HIP1: variants seen among roughly 807,000 people sequenced by gnomAD.
HIP1 encodes the protein huntingtin-interacting protein 1.
A neutral mutation model predicts 147.6 loss-of-function variants in HIP1; 65 were observed. The observed-to-expected ratio is 0.44, with a 90% CI of 0.36 to 0.54. The LOEUF (loss-of-function observed/expected upper bound fraction) is 0.54, where lower values mean the gene tolerates loss of function less well. Among genes scored for constraint, HIP1 ranks in the 20% least tolerant of loss-of-function variants. HIP1 has a pLI of 0.00. For synonymous variants in HIP1, 479 were observed against 504.0 expected (o/e 0.95, Z 0.67); for missense variants, 1,061 against 1,299.6 (o/e 0.82, Z 2.82).
intron 8 of HIP1, among the ~76,000 whole-genome samples, chr7:75,573,343 TA>T (rs782405166): frequency 1.3e-5 from 2 of 152,190 alleles, no homozygotes; most frequent in Non-Finnish European, 2.9e-5. Context: ...ACAACCTGCC[TA>T]CAGACAGAGA....
At position 75,568,218 on chromosome 7, in the gene HIP1, A is replaced by G; in HGVS notation, c.784T>C (p.Phe262Leu). The change falls in exon 9 of 31, where the codon TTC becomes CTC. Residue 262 changes from phenylalanine (F) to leucine (L), a missense_variant. Physicochemically the swap from Phe to Leu is conservative, Grantham distance 22 (BLOSUM62 0). Transcript: ENST00000336926. This position sits in a 1 kb window ranked among gnomAD's most constrained non-coding sequence, Gnocchi z 4.1. ...ACTTACTTTGTAAACTGCTCCATGA[A>G]GCGGTCCCGGTGGCCTTGCAGGGTG... is the stretch of plus-strand genomic sequence containing the variant. The part of the protein sequence containing the change: ...ADTLQGHRDR[F>L]MEQFTKLKDL... 5 of 1,613,084 alleles carry G rather than the reference A, an allele frequency of 3.1e-6. No homozygotes were observed. The highest frequency in any genetic ancestry group is 4.2e-6 in the Non-Finnish European group (5 of 1,179,102).
At chr7:75,571,329 G>A (rs1465832411) in intron 8 of HIP1, among the ~76,000 whole-genome samples, 1 of 152,164 alleles carries the variant, frequency 6.6e-6, no homozygotes, top group Non-Finnish European at 1.5e-5. Context: ...AAGTTCATCT[G>A]TATTCAGCAC....
chr7:75,684,983 C>G (rs1208233166), intron 1 of HIP1, among the ~76,000 whole-genome samples: 1 of 151,582 alleles, frequency 6.6e-6, no homozygotes, highest in African/African-American at 2.4e-5. Context: ...CCCAGCTACT[C>G]GGGAGGCTGA....
chr7:75,599,888 T>C (rs1168648087), intron 1 of HIP1, among the ~76,000 whole-genome samples: 2 of 147,888 alleles, frequency 1.4e-5, no homozygotes. Context: ...CAGGCTGGAG[T>C]GCAGTGGCCC....
intron 1 of HIP1, among the ~76,000 whole-genome samples, chr7:75,657,267 A>G (rs536993307): frequency 6.6e-6 from 1 of 152,320 alleles, no homozygotes; most frequent in East Asian, 1.9e-4. Context: ...ATGGTGGCTC[A>G]CGCCTGTAAT....
intron 1 of HIP1, among the ~76,000 whole-genome samples, chr7:75,671,390 G>A (rs149314937): frequency 3.3e-5 from 5 of 152,206 alleles, no homozygotes; most frequent in Non-Finnish European, 1.5e-5. Context: ...CACCGCACTC[G>A]GCTAGAATTT....
At chr7:75,587,491 C>T (rs1236641439) in intron 4 of HIP1, among the ~76,000 whole-genome samples, 1 of 152,170 alleles carries the variant, frequency 6.6e-6, no homozygotes, top group Non-Finnish European at 1.5e-5. Flanking sequence ...TAGTGACTGA[C>T]CAGTATTATT....
intron 1 of HIP1, among the ~76,000 whole-genome samples, chr7:75,629,497 C>T (rs76916491): frequency 1.0e-3 from 158 of 152,224 alleles, no homozygotes; most frequent in Non-Finnish European, 1.7e-3. Flanking sequence ...ATGCATTCAG[C>T]ACCCATTGTG....
At chr7:75,724,501 C>A (rs1801595419) in intron 1 of HIP1, among the ~76,000 whole-genome samples, 1 of 151,638 alleles carries the variant, frequency 6.6e-6, no homozygotes, top group South Asian at 2.1e-4. Flanking sequence ...GCCCGCCTTG[C>A]CCTCCCAAAG....
chr7:75,691,931 G>T (rs1272297422), intron 1 of HIP1, among the ~76,000 whole-genome samples: 1 of 152,150 alleles, frequency 6.6e-6, no homozygotes, highest in Non-Finnish European at 1.5e-5. Flanking sequence ...TTCTTTGCAG[G>T]GGGTGGGGAG....
chr7:75,662,052 G>A lies in HIP1; in HGVS notation c.121-62805C>T, dbSNP rs540966659. ...GAGGGGTGGACTGGAGAGTGGGTGC[G>A]TGAGTGAGCCACAAGGGGTGAAGGT... On this transcript the variant is annotated intron_variant, in intron 1 of 30. Coordinates refer to ENST00000336926, the MANE Select transcript of HIP1 (RefSeq NM_005338.7). Among the ~76,000 whole-genome samples the A allele has an allele frequency of 7.3e-5, 11 of 149,976 alleles. 1 individual carries two copies. In the South Asian group the frequency reaches 1.5e-3, roughly 20 times the overall value.
At chr7:75,580,441 G>C (rs782788604) in intron 7 of HIP1, among the ~76,000 whole-genome samples, 8 of 152,050 alleles carry the variant, frequency 5.3e-5, no homozygotes, top group Non-Finnish European at 1.0e-4. Context: ...CCACCCGCTT[G>C]GAAAATATCT....
rs1379699343 is a variant in HIP1 at position 75,603,655 on chromosome 7, T to C, written c.121-4408A>G. Among the ~76,000 whole-genome samples the C allele has an allele frequency of 2.6e-5, 4 of 151,956 alleles. No homozygotes were observed. The East Asian group carries it at 5.8e-4, about 22-fold the overall frequency. On this transcript the variant is annotated intron_variant, in intron 1 of 30. Transcript: ENST00000336926. Reference sequence around the variant, plus strand: ...TGGGAAGCTGAGGTGGGAGGATCGCTTAAGGCCAGGATTTTGAGATCAGCC... The same window carrying C: ...TGGGAAGCTGAGGTGGGAGGATCGCCTAAGGCCAGGATTTTGAGATCAGCC...
intron 1 of HIP1, among the ~76,000 whole-genome samples, chr7:75,708,016 T>C (rs1247879892): frequency 6.9e-6 from 1 of 145,964 alleles, no homozygotes; most frequent in South Asian, 2.2e-4. Context: ...AACCTAGGCA[T>C]TACCATTCAG....
chr7:75,555,638 T>C, intron 18 of HIP1, 87 bp from the exon 19 acceptor site: 2 of 1,456,740 alleles, frequency 1.4e-6, no homozygotes, highest in Non-Finnish European at 1.9e-6. Context: ...CTTAGCATCT[T>C]AGCTCAAGTC....
chr7:75,706,623 A>ATT (rs71082342), intron 1 of HIP1, among the ~76,000 whole-genome samples: 96 of 103,570 alleles, frequency 9.3e-4, no homozygotes, highest in Non-Finnish European at 1.3e-3. Flanking sequence ...TCAACTCGTC[A>ATT]TTTTTTTTTT....
At position 75,656,444 on chromosome 7, in the gene HIP1, A is replaced by AG. The variant is rs200758023; in HGVS notation, c.121-57198_121-57197insC. 5.5e-3 allele frequency among the ~76,000 whole-genome samples: 839 copies of AG among 151,840 alleles called. 12 individuals are homozygous for AG. The highest frequency in any genetic ancestry group is 0.019 in the African/African-American group (777 of 41,382). On this transcript the variant is annotated intron_variant, in intron 1 of 30. Transcript: ENST00000336926. Reference sequence around the variant, plus strand: ...AAACTATAAACTTAGAAAAAAAAAAAAAAGAAAATATGTTTCCAACTTTAG... The same window carrying AG: ...AAACTATAAACTTAGAAAAAAAAAAAGAAAGAAAATATGTTTCCAACTTTAG...
chr7:75,544,815 C>A lies in HIP1; in HGVS notation c.2661-15G>T. 1 of 1,514,962 alleles carries A rather than the reference C, an allele frequency of 6.6e-7. No individual in the cohort carries two copies. The highest frequency in any genetic ancestry group is 9.2e-7 in the Non-Finnish European group (1 of 1,089,864). 93.8% of individuals were successfully genotyped at this position (1,514,962 alleles called of 1,614,324 possible). ...CAGCTGCATCCCTGATGGAAAACGACAAGAGGGACTAGGTTACGGGCAAAT... is the reference window on the plus strand; with the variant it reads ...CAGCTGCATCCCTGATGGAAAACGAAAAGAGGGACTAGGTTACGGGCAAAT... On this transcript the variant is annotated splice_polypyrimidine_tract_variant and intron_variant, in intron 26 of 30. Transcript: ENST00000336926.
intron 1 of HIP1, among the ~76,000 whole-genome samples, chr7:75,648,812 A>G (rs1385097144): frequency 6.6e-6 from 1 of 151,940 alleles, no homozygotes; most frequent in Non-Finnish European, 1.5e-5. Flanking sequence ...TGGGGACATT[A>G]AGAGGAATCA....
Sources: allele counts gnomAD v4.1 joint callset (sites outside exome capture counted in the v4.1 genomes callset), GRCh38; gene constraint gnomAD v4.1.1; non-coding constraint Gnocchi (gnomAD v3.1); transcripts MANE v1.5; gene names NCBI Gene and HGNC (gene_info 2026-07-23, HGNC 2026-07-21).